The following PTPRU variants were observed in gnomAD, a reference collection of about 807,000 sequenced individuals.
The protein encoded by PTPRU is protein tyrosine phosphatase receptor type U.
Under a neutral mutation model 166.3 loss-of-function variants are expected in PTPRU, and 69 were observed. That is an observed-to-expected ratio of 0.41 (90% CI 0.34 to 0.51). The LOEUF (loss-of-function observed/expected upper bound fraction) is 0.51, where lower values mean the gene tolerates loss of function less well. Ranked by LOEUF, PTPRU falls within the 20% of genes least tolerant of loss-of-function variation. The probability of loss-of-function intolerance (pLI) is 0.09; values close to 1 mark genes in which losing one functional copy is unlikely to be tolerated. For synonymous variants in PTPRU, 793 were observed against 814.0 expected, an observed-to-expected ratio of 0.97 and a Z score of 0.44; for missense variants, 1,657 against 2,013.7, an observed-to-expected ratio of 0.82 and a Z score of 3.39.
intron 1 of PTPRU, among the ~76,000 whole-genome samples, chr1:29,252,559 C>T (rs948223852): frequency 5.3e-5 from 8 of 152,070 alleles, no homozygotes; most frequent in South Asian, 2.1e-4. Context: ...TGAGCCACCG[C>T]GCCTGGCCTG....
rs1162730830 is a variant in PTPRU, at chr1:29,279,260, T to G, written c.1563+139T>G. 2.0e-6 allele frequency: 2 copies of G among 1,004,068 alleles called. No individual in the cohort carries two copies. The highest frequency in any genetic ancestry group is 3.2e-5 in the African/African-American group (2 of 61,950). 62.2% of individuals were successfully genotyped at this position (1,004,068 alleles called of 1,614,324 possible). On this transcript the variant is annotated intron_variant, in intron 9 of 29. Coordinates refer to ENST00000373779, the MANE Select transcript of PTPRU (RefSeq NM_133178.4). The surrounding 1 kb of genome is among the most constrained non-coding windows in gnomAD (Gnocchi z 5.2). ...GTTTCTTCAACTATGGCCAGGTCTG[T>G]GCCCTGTGTATTCTAGAGGAGGGTC...
At position 29,275,566 on chromosome 1, in the gene PTPRU, G is replaced by C. The variant is rs1272123342; in HGVS notation, c.1263G>C (p.Leu421=). 26 of 1,614,206 alleles carry C rather than the reference G, an allele frequency of 1.6e-5. No individual in the cohort carries two copies. In the South Asian group the frequency reaches 2.6e-4, roughly 16 times the overall value. Reference sequence around the variant, plus strand: ...GTTGCCACACCTATACTGTGTCGCTGTGCTATCACTACACCCTGGGCAGCA... The same window carrying C: ...GTTGCCACACCTATACTGTGTCGCTCTGCTATCACTACACCCTGGGCAGCA... ...VTRCHTYTVS[L]CYHYTLGSSH... Residue 421 remains leucine (L), a synonymous_variant, in exon 8 of 30, where the codon CTG becomes CTC. Transcript: ENST00000373779.
chr1:29,281,844 C>A (rs4654299), intron 11 of PTPRU, among the ~76,000 whole-genome samples: 104,205 of 152,108 alleles, frequency 0.69, 37,748 homozygotes, highest in Non-Finnish European at 0.83. Context: ...GGATGTCACA[C>A]GCCAAGACGT....
chr1:29,264,508 CT>C (rs1197340600), intron 7 of PTPRU, among the ~76,000 whole-genome samples: 381 of 140,660 alleles, frequency 2.7e-3, no homozygotes, highest in Middle Eastern at 3.6e-3. Flanking sequence ...CAACCTCATT[CT>C]TTTTTTTTTT....
At chr1:29,259,184 C>G in intron 3 of PTPRU, 77 bp from the exon 4 acceptor site, 1 of 1,451,762 alleles carries the variant, frequency 6.9e-7, no homozygotes, top group Middle Eastern at 2.2e-4. Flanking sequence ...GAGGCTGAGG[C>G]CGAGCTGAAA....
intron 18 of PTPRU, among the ~76,000 whole-genome samples, chr1:29,307,528 G>T (rs903595659): frequency 4.6e-5 from 7 of 152,232 alleles, no homozygotes; most frequent in Non-Finnish European, 1.0e-4. Flanking sequence ...CCTTTGGAGG[G>T]TGCAGGGGAA....
At chr1:29,255,715 C>A (rs955136776) in intron 2 of PTPRU, among the ~76,000 whole-genome samples, 5 of 152,214 alleles carry the variant, frequency 3.3e-5, no homozygotes, top group Non-Finnish European at 5.9e-5. Flanking sequence ...CTAAATCCTC[C>A]ATCTTTGAGA....
intron 7 of PTPRU, among the ~76,000 whole-genome samples, chr1:29,263,240 C>T (rs1447511192): frequency 6.6e-6 from 1 of 152,232 alleles, no homozygotes; most frequent in Non-Finnish European, 1.5e-5. Flanking sequence ...CTGCCTTAGC[C>T]TCCCAAAGTG....
At chr1:29,277,928 C>T (rs1183191769) in intron 8 of PTPRU, among the ~76,000 whole-genome samples, 3 of 149,164 alleles carry the variant, frequency 2.0e-5, no homozygotes, top group African/African-American at 7.4e-5. Context: ...CAGCGATTCT[C>T]CCACCTCAGC....
chr1:29,273,683 A>G (rs376321578), intron 7 of PTPRU, among the ~76,000 whole-genome samples: 55 of 152,268 alleles, frequency 3.6e-4, no homozygotes, highest in African/African-American at 1.3e-3. Flanking sequence ...GATTACAGGC[A>G]TGAGCCACTG....
At chr1:29,249,663 G>A (rs535770833) in intron 1 of PTPRU, among the ~76,000 whole-genome samples, 23 of 152,276 alleles carry the variant, frequency 1.5e-4, no homozygotes, top group African/African-American at 3.1e-4. Flanking sequence ...AGGGTGTGCC[G>A]TTTACATCCT....
Position 29,316,148 on chromosome 1 carries a change from C to T in PTPRU, c.3510C>T (p.Phe1170=). The change falls in exon 24 of 30, where the codon TTC becomes TTT. Residue 1170 remains phenylalanine (F), a synonymous_variant. Coordinates refer to ENST00000373779, the MANE Select transcript of PTPRU (RefSeq NM_133178.4). The stretch of plus-strand genomic sequence containing the variant: ...ATTCCTCCCAGCTGCGGGAAGAGTT[C>T]CAGGTGGGGGATGAGTGCGTGTGTA... ...QSNSSQLREE[F]QTLNSVTPPL... 6.2e-7 allele frequency: 1 copy of T among 1,613,730 alleles called. No homozygotes were observed. Among genetic ancestry groups the T allele is most frequent in the Non-Finnish European group, 8.5e-7 (1 of 1,179,906 alleles).
chr1:29,289,806 C>A (rs2076620), intron 14 of PTPRU: 255,587 of 1,436,932 alleles, frequency 0.18, 23,387 homozygotes, highest in Non-Finnish European at 0.19. Flanking sequence ...TCTCGCTGCA[C>A]CCAGCCTGGC....
chr1:29,239,573 A>G (rs1683946642), intron 1 of PTPRU, among the ~76,000 whole-genome samples: 1 of 152,088 alleles, frequency 6.6e-6, no homozygotes, highest in African/African-American at 2.4e-5. Context: ...ATCGTGCTTG[A>G]TGGAGACAGG....
At chr1:29,289,551 G>A (rs1686521528) in intron 14 of PTPRU, 1 of 1,050,552 alleles carries the variant, frequency 9.5e-7, no homozygotes. Flanking sequence ...GACCTGTTCA[G>A]TCCCTGGCCA....
chr1:29,316,631 T>C (rs1450368368), intron 24 of PTPRU, among the ~76,000 whole-genome samples: 1 of 152,232 alleles, frequency 6.6e-6, no homozygotes, highest in Non-Finnish European at 1.5e-5. Flanking sequence ...GGTTTCTGTC[T>C]GCCTTGGTTC....
At position 29,260,515 on chromosome 1, in the gene PTPRU, A is replaced by G; in HGVS notation, c.851-95A>G. 1.1e-6 allele frequency: 1 copy of G among 951,400 alleles called. No individual in the cohort carries two copies. Among genetic ancestry groups the G allele is most frequent in the Non-Finnish European group, 1.5e-6 (1 of 671,490 alleles). 58.9% of individuals were successfully genotyped at this position (951,400 alleles called of 1,614,324 possible). A position where few individuals can be genotyped will look rare whatever the true frequency, so the allele number is the denominator to read the frequency against. On this transcript the variant is annotated intron_variant, in intron 6 of 29. Transcript: ENST00000373779. This position sits in a 1 kb window ranked among gnomAD's most constrained non-coding sequence, Gnocchi z 8.3. Reference sequence around the variant, plus strand: ...TAGCAGCGTGAGAGGCCCTAGGAGGACGGAGAGGGATTTGGGTGTGGTGGA... The same window carrying G: ...TAGCAGCGTGAGAGGCCCTAGGAGGGCGGAGAGGGATTTGGGTGTGGTGGA...
Position 29,279,811 on chromosome 1 carries a change from G to A in PTPRU, c.1765+154G>A, listed in dbSNP as rs972832453. Among the ~76,000 whole-genome samples the A allele has an allele frequency of 2.6e-5, 4 of 152,346 alleles. No homozygotes were observed. The highest frequency in any genetic ancestry group is 1.9e-4 in the East Asian group (1 of 5,186). The stretch of plus-strand genomic sequence containing the variant: ...ATTTAGGAGTTAAAGTCAGGCTCAG[G>A]GAGGATGAAGTCAGAGGAGTCAGGA... On this transcript the variant is annotated intron_variant, in intron 10 of 29. Transcript: ENST00000373779. The surrounding 1 kb of genome is among the most constrained non-coding windows in gnomAD (Gnocchi z 5.2).
chr1:29,255,118 A>C (rs1020176512), intron 1 of PTPRU, among the ~76,000 whole-genome samples, 157 bp from the exon 2 acceptor site: 2 of 151,570 alleles, frequency 1.3e-5, no homozygotes, highest in Non-Finnish European at 2.9e-5. Context: ...GAGGAGGGAG[A>C]ATTTCACTAG....
Sources: allele counts gnomAD v4.1 joint callset (sites outside exome capture counted in the v4.1 genomes callset), GRCh38; gene constraint gnomAD v4.1.1; non-coding constraint Gnocchi (gnomAD v3.1); transcripts MANE v1.5; gene names NCBI Gene and HGNC (gene_info 2026-07-23, HGNC 2026-07-21).